The following SLC22A8 variants were observed in gnomAD, a reference collection of about 807,000 sequenced individuals.
SLC22A8 encodes organic anion transporter 3.
In SLC22A8, 40 loss-of-function variants were observed where a neutral mutation model predicts 48.4. The ratio of observed to expected loss-of-function variants is 0.83; its 90% CI spans 0.64 to 1.08. SLC22A8 has a LOEUF of 1.08. Among genes scored for constraint, SLC22A8 ranks in the 50% least tolerant of loss-of-function variants. The pLI is 0.00. For missense variants in SLC22A8, 606 were observed against 699.0 expected, an observed-to-expected ratio of 0.87 and a Z score of 1.50; for synonymous variants, 268 against 286.3, an observed-to-expected ratio of 0.94 and a Z score of 0.65.
At chr11:62,997,804 T>C (rs1460695647) in intron 5 of SLC22A8, among the ~76,000 whole-genome samples, 1 of 152,194 alleles carries the variant, frequency 6.6e-6, no homozygotes, top group African/African-American at 2.4e-5. Context: ...CAATAATGTC[T>C]CCCTCACACA....
chr11:63,012,522 C>A (rs982355196), intron 2 of SLC22A8, among the ~76,000 whole-genome samples: 2 of 152,158 alleles, frequency 1.3e-5, no homozygotes, highest in African/African-American at 4.8e-5. Flanking sequence ...CTCTCCATGC[C>A]CAGTGTGGGC....
chr11:62,994,214 GTCTT>G, intron 8 of SLC22A8: 1 of 521,098 alleles, frequency 1.9e-6, no homozygotes, highest in East Asian at 3.3e-5. Context: ...AGGTTGTGGG[GTCTT>G]TCTTGAGCAT....
chr11:63,011,931 C>T (rs1392870674), intron 2 of SLC22A8, among the ~76,000 whole-genome samples: 2 of 152,100 alleles, frequency 1.3e-5, no homozygotes, highest in African/African-American at 2.4e-5. Flanking sequence ...CCATATCCTA[C>T]TGCTCACTCC....
At chr11:63,001,118 T>C (rs748190517) in intron 2 of SLC22A8, 18 of 387,828 alleles carry the variant, frequency 4.6e-5, no homozygotes, top group Non-Finnish European at 8.8e-5. Context: ...CCAAGTTGCC[T>C]GCTTCCCTGT....
At chr11:62,993,368 G>A (rs984760955) in intron 10 of SLC22A8, 32 bp from the exon 11 acceptor site, 1 of 1,612,986 alleles carries the variant, frequency 6.2e-7, no homozygotes, top group African/African-American at 1.3e-5. Flanking sequence ...AAAGCCCTGG[G>A]CCCAGACCTG....
chr11:63,011,284 C>A (rs1197271608), intron 2 of SLC22A8, among the ~76,000 whole-genome samples: 2 of 152,238 alleles, frequency 1.3e-5, no homozygotes, highest in Non-Finnish European at 2.9e-5. Flanking sequence ...AAGAAAGGTG[C>A]TAACCTTAGA....
chr11:62,999,721 T>C lies in SLC22A8; in HGVS notation c.559A>G (p.Ile187Val). ...MVFRFLCGFG[I>V]SGITLSTVIL... ...ACGGTGCTCAGGGTAATGCCTGAGATGCCAAAGCCACACAGGAAGCGGAAG... is the reference window on the plus strand; with the variant it reads ...ACGGTGCTCAGGGTAATGCCTGAGACGCCAAAGCCACACAGGAAGCGGAAG... The change falls in exon 4 of 11, where the codon ATC becomes GTC. Residue 187 changes from isoleucine (I) to valine (V), a missense_variant. Physicochemically the swap from Ile to Val is conservative, Grantham distance 29. Transcript: ENST00000336232. 1 of 1,601,750 alleles carries C rather than the reference T, an allele frequency of 6.2e-7. No homozygotes were observed. The highest frequency in any genetic ancestry group is 8.5e-7 in the Non-Finnish European group (1 of 1,173,708).
At chr11:63,013,546 A>G (rs766815615) in intron 2 of SLC22A8, among the ~76,000 whole-genome samples, 5 of 152,124 alleles carry the variant, frequency 3.3e-5, no homozygotes, top group African/African-American at 7.2e-5. Flanking sequence ...CACCTCCTCC[A>G]TGAAGCCTCC....
chr11:62,994,744 A>G lies in SLC22A8; in HGVS notation c.1014T>C (p.Gly338=), dbSNP rs1453849024. 2 of 1,614,130 alleles carry G rather than the reference A, an allele frequency of 1.2e-6. No individual in the cohort carries two copies. Among genetic ancestry groups the G allele is most frequent in the South Asian group, 2.2e-5 (2 of 91,080 alleles). Residue 338 remains glycine, a synonymous_variant, in exon 8 of 11, where the codon GGT becomes GGC. Coordinates refer to ENST00000336232, the MANE Select transcript of SLC22A8 (RefSeq NM_004254.4). The part of the protein sequence containing the change: ...FCLSLAWFAT[G]FAYYSLAMGV... ...CCATAGCCAAACTATAGTAGGCAAA[A>G]CCGGTAGCAAACCTGAGAGGCAGAG...
chr11:63,007,401 C>G (rs1193179932), intron 2 of SLC22A8, among the ~76,000 whole-genome samples: 3 of 152,152 alleles, frequency 2.0e-5, no homozygotes, highest in African/African-American at 7.2e-5. Flanking sequence ...TCTCGGCTCA[C>G]TGCAACCTCT....
chr11:62,999,521 T>C (rs2086465155), intron 4 of SLC22A8, 167 bp downstream of exon 4: 1 of 518,326 alleles, frequency 1.9e-6, no homozygotes, highest in African/African-American at 1.9e-5. Flanking sequence ...ATTACTATGC[T>C]TGTTGTCATT....
chr11:63,001,664 CCT>C (rs1211783489), intron 2 of SLC22A8, among the ~76,000 whole-genome samples: 1 of 152,168 alleles, frequency 6.6e-6, no homozygotes, highest in Admixed American at 6.5e-5. Context: ...CCTGAATCCT[CCT>C]CTCTCTCCAC....
Position 62,995,698 on chromosome 11 carries a change from G to T in SLC22A8, c.1001+6C>A. The T allele has an allele frequency of 6.2e-7, 1 of 1,606,232 alleles. No individual in the cohort carries two copies. Among genetic ancestry groups the T allele is most frequent in the Non-Finnish European group, 8.5e-7 (1 of 1,172,884 alleles). On this transcript the variant is annotated splice_donor_region_variant and intron_variant, in intron 7 of 10. Coordinates refer to ENST00000336232, the MANE Select transcript of SLC22A8 (RefSeq NM_004254.4). ...GGCAGGGTGTGGGCAGGGAGAGGGG[G>T]GTTACCAGGCCAGGGAAAGACAGAA...
rs2086410392 is a variant in SLC22A8, at chr11:62,995,801, G to A, written c.904C>T (p.Gln302Ter). ...LSLEELKLNL[Q>*]KEISLAKAKY... ...GCCTTGGCCAAGGAGATCTCCTTCT[G>A]CAGGTTGAGTTTGAGCTCCTTCGGG... The change falls in exon 7 of 11, where the codon CAG becomes TAG. Residue 302 changes from glutamine (Q) to a stop codon, truncating the protein, a stop_gained. Coordinates refer to ENST00000336232, the MANE Select transcript of SLC22A8 (RefSeq NM_004254.4). LOFTEE classifies it high-confidence loss of function. 3 of 1,613,736 alleles carry A rather than the reference G, an allele frequency of 1.9e-6. No individual in the cohort carries two copies. Among genetic ancestry groups the A allele is most frequent in the Non-Finnish European group, 2.5e-6 (3 of 1,179,754 alleles).
intron 2 of SLC22A8, among the ~76,000 whole-genome samples, chr11:63,013,237 A>T (rs181203025): frequency 3.2e-4 from 48 of 152,348 alleles, no homozygotes; most frequent in African/African-American, 1.1e-3. Flanking sequence ...CAGACTCTGA[A>T]CATAGCCCTA....
At chr11:63,001,023 C>T in intron 2 of SLC22A8, 200 bp from the exon 3 acceptor site, 1 of 554,540 alleles carries the variant, frequency 1.8e-6, no homozygotes, top group South Asian at 2.0e-5. Flanking sequence ...GACCTGCATC[C>T]CTCAGGCATG....
intron 2 of SLC22A8, among the ~76,000 whole-genome samples, chr11:63,001,664 C>A (rs1443550643): frequency 6.6e-6 from 1 of 152,168 alleles, no homozygotes; most frequent in South Asian, 2.1e-4. Flanking sequence ...CCTGAATCCT[C>A]CTCTCTCTCC....
At position 62,994,609 on chromosome 11, in the gene SLC22A8, A is replaced by G. The variant is rs1308608742; in HGVS notation, c.1149T>C (p.His383=). ...GGAGCAGGGCAGCGGCCTGAGTGGT[A>G]TGCCGGCCCAGGTAGCTTAAGGAGA... The part of the protein sequence containing the change: ...TILSLSYLGR[H]TTQAAALLLA... The change falls in exon 8 of 11, where the codon CAT becomes CAC. Residue 383 remains histidine (H), a synonymous_variant. Transcript: ENST00000336232. 2 of 1,614,038 alleles carry G rather than the reference A, an allele frequency of 1.2e-6. No individual in the cohort carries two copies. Among genetic ancestry groups the G allele is most frequent in the South Asian group, 1.1e-5 (1 of 91,036 alleles).
chr11:62,996,913 G>A (rs997835193), intron 5 of SLC22A8, among the ~76,000 whole-genome samples: 2 of 152,238 alleles, frequency 1.3e-5, no homozygotes, highest in African/African-American at 4.8e-5. Flanking sequence ...AGCCCCTGTG[G>A]GTGACCTGGA....
Sources: allele counts gnomAD v4.1 joint callset (sites outside exome capture counted in the v4.1 genomes callset), GRCh38; gene constraint gnomAD v4.1.1; transcripts MANE v1.5; gene names NCBI Gene and HGNC (gene_info 2026-07-23, HGNC 2026-07-21).